Variants in XYLT1 observed in about 807,000 individuals in gnomAD.
The protein encoded by XYLT1 is beta-D-xylosyltransferase 1.
A neutral mutation model predicts 91.3 loss-of-function variants in XYLT1; 36 were observed. The ratio of observed to expected loss-of-function variants is 0.39; its 90% confidence interval spans 0.30 to 0.52. XYLT1 has a LOEUF of 0.52. Ranked by LOEUF, XYLT1 falls within the 20% of genes least tolerant of loss-of-function variation. The probability of loss-of-function intolerance (pLI) is 0.68; values close to 1 mark genes in which losing one functional copy is unlikely to be tolerated. For missense variants in XYLT1, 1,242 were observed against 1,284.5 expected (o/e 0.97, Z 0.51); for synonymous variants, 588 against 532.0 (o/e 1.11, Z -1.45).
chr16:17,318,472 C>T (rs2034668996), intron 2 of XYLT1, among the ~76,000 whole-genome samples: 1 of 152,250 alleles, frequency 6.6e-6, no homozygotes, highest in Admixed American at 6.5e-5. Flanking sequence ...ATGAATCCTT[C>T]CTCCTTTCCT....
chr16:17,290,135 G>T (rs969925771), intron 2 of XYLT1, among the ~76,000 whole-genome samples: 1 of 152,092 alleles, frequency 6.6e-6, no homozygotes, highest in Non-Finnish European at 1.5e-5. Context: ...TCAGTTAAAA[G>T]AAAAAGAAAA....
intron 1 of XYLT1, among the ~76,000 whole-genome samples, chr16:17,369,878 G>C (rs987923105): frequency 3.9e-5 from 6 of 152,188 alleles, no homozygotes; most frequent in Non-Finnish European, 2.9e-5. Flanking sequence ...AGCTCTCTCG[G>C]AAGGAAGTGC....
intron 1 of XYLT1, 127 bp from the exon 2 acceptor site, chr16:17,358,177 T>A: frequency 1.1e-6 from 1 of 906,334 alleles, no homozygotes. Flanking sequence ...TTGCCCAGGC[T>A]GGAGAGCAGT....
At chr16:17,456,507 T>C (rs527900078) in intron 1 of XYLT1, among the ~76,000 whole-genome samples, 7 of 151,706 alleles carry the variant, frequency 4.6e-5, no homozygotes, top group African/African-American at 1.2e-4. Flanking sequence ...AGCTGATTGA[T>C]TGTTTTATGT....
Position 17,402,793 on chromosome 16 carries a change from A to G in XYLT1, c.364-44743T>C, listed in dbSNP as rs541947344. On this transcript the variant is annotated intron_variant, in intron 1 of 11. Coordinates refer to ENST00000261381, the MANE Select transcript of XYLT1 (RefSeq NM_022166.4). Reference sequence around the variant, plus strand: ...GGTCTTACTCTATCACCCAGGCTGGAGTGCAGTGGCATGATCACAGCTCAC... The same window carrying G: ...GGTCTTACTCTATCACCCAGGCTGGGGTGCAGTGGCATGATCACAGCTCAC... Among the ~76,000 whole-genome samples, 585 of 144,022 alleles carry G rather than the reference A, an allele frequency of 4.1e-3. 2 individuals carry two copies. The highest frequency in any genetic ancestry group is 0.015 in the African/African-American group (561 of 38,042). The allele number at this position is 144,022 out of a possible 152,430, so 94.5% of individuals were successfully genotyped here. A position where few individuals can be genotyped will look rare whatever the true frequency, so the allele number is the denominator to read the frequency against.
rs1467282212 is a variant in XYLT1, at chr16:17,301,372, T to C, written c.403-41874A>G. On this transcript the variant is annotated intron_variant, in intron 2 of 11. Coordinates refer to ENST00000261381, the MANE Select transcript of XYLT1 (RefSeq NM_022166.4). ...TTGCACTGAGCCAAGATTGCACCAC[T>C]GTACTCCAGCCTGGGCAACACAACA... is the stretch of plus-strand genomic sequence containing the variant. 2.6e-5 allele frequency among the ~76,000 whole-genome samples: 4 copies of C among 152,256 alleles called. No individual in the cohort carries two copies. In the East Asian group the frequency reaches 7.7e-4, roughly 29 times the overall value.
rs186285980 is a variant in XYLT1, at chr16:17,453,557, C to T, written c.363+16877G>A. On this transcript the variant is annotated intron_variant, in intron 1 of 11. Transcript: ENST00000261381. ...CTGCATTTCTAAACAATGCTGACAACGCACACTGAGGCAGCACCTCCGGGG... is the reference window on the plus strand; with the variant it reads ...CTGCATTTCTAAACAATGCTGACAATGCACACTGAGGCAGCACCTCCGGGG... Among the ~76,000 whole-genome samples, 189 of 152,346 alleles carry T rather than the reference C, an allele frequency of 1.2e-3. 1 individual carries two copies. The highest frequency in any genetic ancestry group is 4.0e-3 in the African/African-American group (168 of 41,582).
At chr16:17,350,774 C>G (rs2035209622) in intron 2 of XYLT1, among the ~76,000 whole-genome samples, 1 of 151,610 alleles carries the variant, frequency 6.6e-6, no homozygotes, top group Non-Finnish European at 1.5e-5. Flanking sequence ...AAAAACTGCT[C>G]TCTGTGGAGG....
At chr16:17,380,342 T>C (rs1003091656) in intron 1 of XYLT1, among the ~76,000 whole-genome samples, 6 of 152,150 alleles carry the variant, frequency 3.9e-5, no homozygotes, top group Admixed American at 3.9e-4. Context: ...TGGAGCGAGA[T>C]GTGCCCATTT....
chr16:17,134,793 G>C, intron 8 of XYLT1, 58 bp from the exon 9 acceptor site: 1 of 1,590,852 alleles, frequency 6.3e-7, no homozygotes, highest in South Asian at 1.1e-5. Context: ...GGGGTTGGGG[G>C]GAACCTAAGG....
intron 6 of XYLT1, among the ~76,000 whole-genome samples, chr16:17,155,198 C>T (rs201399107): frequency 2.0e-5 from 3 of 152,254 alleles, no homozygotes; most frequent in Admixed American, 6.5e-5. Flanking sequence ...GAGTCCTCCC[C>T]GCTGCCCTAG....
chr16:17,141,308 G>GGC lies in XYLT1; in HGVS notation c.1430_1431dup (p.Leu478AlafsTer22). The GGC allele has an allele frequency of 6.2e-7, 1 of 1,614,160 alleles. No homozygotes were observed. The highest frequency in any genetic ancestry group is 8.5e-7 in the Non-Finnish European group (1 of 1,180,036). ...CCCTCTGGGATCCGCCGATCTCCCAGGCGCCACATGTGAGCGTCGCACTCC... is the reference window on the plus strand; with the variant it reads ...CCCTCTGGGATCCGCCGATCTCCCAGGCGCGCCACATGTGAGCGTCGCACTCC... On this transcript the variant is annotated frameshift_variant, in exon 7 of 12. Coordinates refer to ENST00000261381, the MANE Select transcript of XYLT1 (RefSeq NM_022166.4). LOFTEE classifies it high-confidence loss of function.
At chr16:17,322,747 T>C (rs549177929) in intron 2 of XYLT1, among the ~76,000 whole-genome samples, 4 of 152,198 alleles carry the variant, frequency 2.6e-5, no homozygotes, top group Non-Finnish European at 5.9e-5. Flanking sequence ...TTAAACTCTC[T>C]CCTAGCTCCC....
intron 3 of XYLT1, among the ~76,000 whole-genome samples, chr16:17,237,719 C>A (rs2033270642): frequency 6.6e-6 from 1 of 152,166 alleles, no homozygotes; most frequent in African/African-American, 2.4e-5. Context: ...CCTGGGAGAC[C>A]ATGGGATGTT....
chr16:17,261,902 G>A (rs1387570452), intron 2 of XYLT1, among the ~76,000 whole-genome samples: 1 of 151,866 alleles, frequency 6.6e-6, no homozygotes, highest in Non-Finnish European at 1.5e-5. Flanking sequence ...TCTGCTTCTG[G>A]TCTTTCTTAT....
Position 17,244,185 on chromosome 16 carries a change from T to C in XYLT1, c.913+14803A>G, listed in dbSNP as rs938163560. Among the ~76,000 whole-genome samples the C allele has an allele frequency of 3.3e-5, 5 of 151,900 alleles. No homozygotes were observed. The East Asian group carries it at 5.9e-4, about 18-fold the overall frequency. On this transcript the variant is annotated intron_variant, in intron 3 of 11. Coordinates refer to ENST00000261381, the MANE Select transcript of XYLT1 (RefSeq NM_022166.4). ...CAGGTCCGGGCTTCTCAAAGTGTAG[T>C]TCTGGAGGGCAGCAGCCTCTGGCAG...
At chr16:17,164,025 C>A (rs920613559) in intron 5 of XYLT1, among the ~76,000 whole-genome samples, 1 of 75,260 alleles carries the variant, frequency 1.3e-5, no homozygotes, top group Non-Finnish European at 2.4e-5. Flanking sequence ...AAAACAAGAG[C>A]GAAACTCTGT....
Position 17,117,689 on chromosome 16 carries a change from G to C in XYLT1, c.2514C>G (p.Leu838=). Residue 838 remains leucine, a synonymous_variant, in exon 11 of 12, where the codon CTC becomes CTG. Transcript: ENST00000261381. The stretch of plus-strand genomic sequence containing the variant: ...TGTTCGAGAAGGTCAGAGGCGCAAC[G>C]AGGAATTTGGTCTCTGCAACTGGCA... ...HWVPVAETKF[L]VAPLTFSNRQ... is the part of the protein sequence containing the mutation. The C allele has an allele frequency of 6.2e-7, 1 of 1,614,074 alleles. No individual in the cohort carries two copies. Among genetic ancestry groups the C allele is most frequent in the Non-Finnish European group, 8.5e-7 (1 of 1,179,934 alleles).
At chr16:17,159,758 C>A (rs548437544) in intron 5 of XYLT1, among the ~76,000 whole-genome samples, 1 of 152,204 alleles carries the variant, frequency 6.6e-6, no homozygotes, top group African/African-American at 2.4e-5. Context: ...CCAAATTTAT[C>A]CCCATCAATC....
Sources: gnomAD v4.1 joint callset for allele counts (sites outside exome capture counted in the v4.1 genomes callset) on GRCh38, gnomAD v4.1.1 for gene constraint, MANE v1.5 for transcripts, NCBI Gene and HGNC (gene_info 2026-07-23, HGNC 2026-07-21) for gene names.